Variants in GRIA2 observed in about 807,000 individuals in gnomAD.
GRIA2 encodes glutamate receptor 2.
A neutral mutation model predicts 97.3 loss-of-function variants in GRIA2; 14 were observed. The ratio of observed to expected loss-of-function variants is 0.14; its 90% confidence interval spans 0.10 to 0.23. The LOEUF is 0.23. GRIA2 is among the 10% of genes least tolerant of loss of function. The probability of loss-of-function intolerance (pLI) is 1.00; values close to 1 mark genes in which losing one functional copy is unlikely to be tolerated. For missense variants in GRIA2, 558 were observed against 1,069.8 expected (o/e 0.52, Z 6.67); for synonymous variants, 412 against 387.8 (o/e 1.06, Z -0.73).
intron 12 of GRIA2, among the ~76,000 whole-genome samples, chr4:157,357,622 C>T (rs1159859148): frequency 6.6e-6 from 1 of 151,972 alleles, no homozygotes; most frequent in Non-Finnish European, 1.5e-5. Context: ...TGTTATAATA[C>T]ATGTGAAGCC....
At chr4:157,246,492 A>G (rs1314930131) in intron 2 of GRIA2, among the ~76,000 whole-genome samples, 1 of 152,142 alleles carries the variant, frequency 6.6e-6, no homozygotes, top group Admixed American at 6.6e-5. Flanking sequence ...TTTTAATGAT[A>G]TAATTAGGTT....
intron 11 of GRIA2, among the ~76,000 whole-genome samples, chr4:157,339,181 G>T (rs990730097): frequency 2.0e-4 from 30 of 151,816 alleles, no homozygotes; most frequent in African/African-American, 6.8e-4. Flanking sequence ...TATTTTTATT[G>T]TCCTGTTTGC....
chr4:157,344,422 T>C lies in GRIA2; in HGVS notation c.2043+2960T>C, dbSNP rs550571932. Among the ~76,000 whole-genome samples, 18 of 152,180 alleles carry C rather than the reference T, an allele frequency of 1.2e-4. No homozygotes were observed. In the South Asian group the frequency reaches 3.7e-3, roughly 32 times the overall value. Reference sequence around the variant, plus strand: ...GAGTGAAAGCTGACAGACTGATTATTATGGTGCCCAGCCTGACCAGGAAAG... The same window carrying C: ...GAGTGAAAGCTGACAGACTGATTATCATGGTGCCCAGCCTGACCAGGAAAG... On this transcript the variant is annotated intron_variant, in intron 12 of 15. Transcript: ENST00000264426.
chr4:157,229,434 C>T (rs1483891706), intron 2 of GRIA2, among the ~76,000 whole-genome samples: 1 of 152,080 alleles, frequency 6.6e-6, no homozygotes. Flanking sequence ...AAAAGCACAA[C>T]AGAGTCTTGA....
intron 3 of GRIA2, among the ~76,000 whole-genome samples, chr4:157,308,095 T>C (rs1334882849): frequency 6.6e-6 from 1 of 152,242 alleles, no homozygotes; most frequent in African/African-American, 2.4e-5. Flanking sequence ...TCATTTTTAA[T>C]TTAACCCTTT....
Position 157,225,476 on chromosome 4 carries a change from CA to C in GRIA2, c.229+3670del, listed in dbSNP as rs1385578248. On this transcript the variant is annotated intron_variant, in intron 2 of 15. Coordinates refer to ENST00000264426, the MANE Select transcript of GRIA2 (RefSeq NM_001083619.3). ...TTATTAAAAATACAAAGCATAAAAG[CA>C]GAAAAAAATCTGAGATTAGTATCTG... Among the ~76,000 whole-genome samples the C allele has an allele frequency of 2.0e-5, 3 of 151,604 alleles. No homozygotes were observed. In the East Asian group the frequency reaches 5.8e-4, roughly 29 times the overall value.
At chr4:157,360,737 G>T in intron 13 of GRIA2, 117 of 495,986 alleles carry the variant, frequency 2.4e-4, no homozygotes, top group Middle Eastern at 3.0e-4. Context: ...ACTGTTATTT[G>T]TTTGTTGTGG....
At chr4:157,270,824 C>T (rs994190896) in intron 2 of GRIA2, among the ~76,000 whole-genome samples, 1 of 151,632 alleles carries the variant, frequency 6.6e-6, no homozygotes, top group Non-Finnish European at 1.5e-5. Flanking sequence ...AGGAGGAGGC[C>T]GTCTGTAGTG....
intron 2 of GRIA2, among the ~76,000 whole-genome samples, chr4:157,262,859 T>C (rs550428921): frequency 6.6e-6 from 1 of 152,196 alleles, no homozygotes; most frequent in East Asian, 1.9e-4. Context: ...ATTTTCCATG[T>C]ATATTAATAC....
intron 2 of GRIA2, among the ~76,000 whole-genome samples, chr4:157,222,660 TGG>T (rs2126671849): frequency 6.6e-6 from 1 of 152,320 alleles, no homozygotes; most frequent in Admixed American, 6.5e-5. Context: ...TGGGAAGCCG[TGG>T]GATCTGGCCG....
At chr4:157,295,845 T>C (rs1202144253) in intron 2 of GRIA2, among the ~76,000 whole-genome samples, 1 of 152,154 alleles carries the variant, frequency 6.6e-6, no homozygotes, top group African/African-American at 2.4e-5. Flanking sequence ...GTTACAATAA[T>C]TGTATTTTTA....
intron 2 of GRIA2, chr4:157,249,446 G>A (rs1730925831): frequency 6.6e-6 from 1 of 152,020 alleles, no homozygotes; most frequent in Non-Finnish European, 1.5e-5. Flanking sequence ...ACTCATCAAG[G>A]CCGAGAGATT....
intron 2 of GRIA2, among the ~76,000 whole-genome samples, chr4:157,282,362 T>A (rs1214649479): frequency 1.3e-5 from 2 of 152,032 alleles, no homozygotes; most frequent in Non-Finnish European, 2.9e-5. Flanking sequence ...ACCCTTTCTA[T>A]TAAGTAGTAA....
At chr4:157,286,438 A>T (rs1275872520) in intron 2 of GRIA2, among the ~76,000 whole-genome samples, 3 of 151,198 alleles carry the variant, frequency 2.0e-5, no homozygotes, top group Non-Finnish European at 4.4e-5. Flanking sequence ...CTTACATGAC[A>T]TTTTTTTTGG....
chr4:157,346,914 C>A (rs1735788449), intron 12 of GRIA2, among the ~76,000 whole-genome samples: 1 of 152,054 alleles, frequency 6.6e-6, no homozygotes, highest in Non-Finnish European at 1.5e-5. Flanking sequence ...TTTTTCTCAC[C>A]ATTCCACAGA....
chr4:157,288,299 A>G (rs188881974), intron 2 of GRIA2, among the ~76,000 whole-genome samples: 226 of 151,798 alleles, frequency 1.5e-3, no homozygotes, highest in African/African-American at 5.2e-3. Flanking sequence ...AGCCAAAACC[A>G]AAACCAGTTT....
chr4:157,238,554 C>T (rs1730353177), intron 2 of GRIA2, among the ~76,000 whole-genome samples: 2 of 152,140 alleles, frequency 1.3e-5, no homozygotes, highest in Admixed American at 1.3e-4. Flanking sequence ...AGCAGAACTG[C>T]ATTAAAGCCA....
intron 11 of GRIA2, among the ~76,000 whole-genome samples, chr4:157,338,388 A>C (rs2126945257): frequency 6.6e-6 from 1 of 152,072 alleles, no homozygotes; most frequent in South Asian, 2.1e-4. Context: ...GGGTTCCAGT[A>C]GATGCCTGCG....
At chr4:157,320,432 G>T (rs1475057817) in intron 5 of GRIA2, among the ~76,000 whole-genome samples, 1 of 152,040 alleles carries the variant, frequency 6.6e-6, no homozygotes, top group African/African-American at 2.4e-5. Flanking sequence ...TATTAAAATT[G>T]AATGTTTTGA....
Sources: allele counts gnomAD v4.1 joint callset (sites outside exome capture counted in the v4.1 genomes callset), GRCh38; gene constraint gnomAD v4.1.1; transcripts MANE v1.5; gene names NCBI Gene and HGNC (gene_info 2026-07-23, HGNC 2026-07-21).